TMTC2: variants seen among roughly 807,000 people sequenced by gnomAD.
The protein encoded by TMTC2 is transmembrane O-mannosyltransferase targeting cadherins 2.
A neutral mutation model predicts 82.4 loss-of-function variants in TMTC2; 43 were observed. That is an observed-to-expected ratio of 0.52 (90% confidence interval 0.41 to 0.67). TMTC2 has a LOEUF of 0.67. TMTC2 is among the 30% of genes least tolerant of loss of function. The pLI is 0.00. For missense variants in TMTC2, 919 were observed against 1,012.4 expected, an observed-to-expected ratio of 0.91 and a Z score of 1.25; for synonymous variants, 408 against 381.9, an observed-to-expected ratio of 1.07 and a Z score of -0.80.
intron 1 of TMTC2, among the ~76,000 whole-genome samples, chr12:82,819,400 A>G (rs1313185976): frequency 6.6e-6 from 1 of 151,780 alleles, no homozygotes; most frequent in Non-Finnish European, 1.5e-5. Context: ...GCATACTTAT[A>G]GATAATCTCC....
At chr12:82,987,475 A>G (rs1033245309) in intron 8 of TMTC2, among the ~76,000 whole-genome samples, 6 of 151,966 alleles carry the variant, frequency 3.9e-5, no homozygotes, top group Non-Finnish European at 5.9e-5. Context: ...AGACTAAGTA[A>G]CCAGAAAACA....
chr12:82,733,069 TA>T (rs1410068704), intron 1 of TMTC2, among the ~76,000 whole-genome samples: 9 of 152,364 alleles, frequency 5.9e-5, no homozygotes, highest in African/African-American at 1.9e-4. Context: ...AAGATCTCTT[TA>T]TTTTTTTTCA....
intron 7 of TMTC2, among the ~76,000 whole-genome samples, chr12:82,973,139 A>G (rs575610883): frequency 6.6e-6 from 1 of 152,274 alleles, no homozygotes; most frequent in African/African-American, 2.4e-5. Context: ...TAAGCTTTTT[A>G]TACCACCTGC....
At chr12:83,068,300 C>G (rs1882990384) in intron 11 of TMTC2, among the ~76,000 whole-genome samples, 1 of 151,900 alleles carries the variant, frequency 6.6e-6, no homozygotes, top group Non-Finnish European at 1.5e-5. Flanking sequence ...AATTTCCCAC[C>G]TATATATGTA....
intron 1 of TMTC2, among the ~76,000 whole-genome samples, chr12:82,744,761 C>T (rs1306843585): frequency 1.3e-5 from 2 of 152,084 alleles, no homozygotes; most frequent in East Asian, 3.9e-4. Flanking sequence ...CTAAAAGTTG[C>T]CTCTGGCAGG....
chr12:82,960,012 G>T (rs1050549935), intron 4 of TMTC2, among the ~76,000 whole-genome samples: 1 of 151,830 alleles, frequency 6.6e-6, no homozygotes, highest in East Asian at 1.9e-4. Flanking sequence ...AAAAAAGAAA[G>T]ATATGAGCAG....
At chr12:82,822,536 G>T (rs1869177387) in intron 1 of TMTC2, among the ~76,000 whole-genome samples, 1 of 152,098 alleles carries the variant, frequency 6.6e-6, no homozygotes, top group African/African-American at 2.4e-5. Flanking sequence ...GGGTGAGAGG[G>T]TTTACAAAGA....
intron 1 of TMTC2, among the ~76,000 whole-genome samples, chr12:82,698,887 C>T (rs944267651): frequency 1.3e-5 from 2 of 152,018 alleles, no homozygotes; most frequent in Admixed American, 6.6e-5. Flanking sequence ...CTGTTGGATT[C>T]GCTGGACCAA....
chr12:83,063,125 AG>A (rs1477566623), intron 11 of TMTC2, among the ~76,000 whole-genome samples: 2 of 151,740 alleles, frequency 1.3e-5, no homozygotes, highest in Non-Finnish European at 2.9e-5. Flanking sequence ...AGAAGACAAA[AG>A]GTTATGATCT....
chr12:82,793,088 C>G (rs949846543), intron 1 of TMTC2, among the ~76,000 whole-genome samples: 1 of 152,084 alleles, frequency 6.6e-6, no homozygotes, highest in African/African-American at 2.4e-5. Flanking sequence ...GTAACCACTG[C>G]AGGGTTTAAT....
intron 3 of TMTC2, among the ~76,000 whole-genome samples, chr12:82,912,524 C>A (rs1207361387): frequency 6.6e-6 from 1 of 152,170 alleles, no homozygotes; most frequent in African/African-American, 2.4e-5. Flanking sequence ...TTCACCAAGT[C>A]AGTTGACTTA....
intron 11 of TMTC2, among the ~76,000 whole-genome samples, chr12:83,066,821 AT>A (rs1882933460): frequency 6.6e-6 from 1 of 152,008 alleles, no homozygotes; most frequent in African/African-American, 2.4e-5. Flanking sequence ...ATATAAAAAA[AT>A]TGTAATCAGA....
At chr12:83,125,108 C>T (rs889953522) in intron 11 of TMTC2, among the ~76,000 whole-genome samples, 1 of 152,128 alleles carries the variant, frequency 6.6e-6, no homozygotes. Flanking sequence ...TGCTGTCCTC[C>T]CGTATTCATT....
intron 1 of TMTC2, among the ~76,000 whole-genome samples, chr12:82,698,715 A>C (rs1327949956): frequency 1.3e-5 from 2 of 152,232 alleles, no homozygotes; most frequent in African/African-American, 4.8e-5. Context: ...ATAATAACTA[A>C]TAACAAAATA....
rs1392462397 is a variant in TMTC2 at position 83,033,865 on chromosome 12, T to TGC, written c.2152+2987_2152+2988insCG. Among the ~76,000 whole-genome samples, 361 of 145,496 alleles carry TGC rather than the reference T, an allele frequency of 2.5e-3. 4 individuals carry two copies. The highest frequency in any genetic ancestry group is 9.1e-3 in the African/African-American group (343 of 37,844). Reference sequence around the variant, plus strand: ...ATGTATGTGTATATATATATGTGTATGTGTATATATATATATGTGTGTGTA... The same window carrying TGC: ...ATGTATGTGTATATATATATGTGTATGCGTGTATATATATATATGTGTGTGTA... On this transcript the variant is annotated intron_variant, in intron 9 of 11. Coordinates refer to ENST00000321196, the MANE Select transcript of TMTC2 (RefSeq NM_152588.3).
chr12:82,865,273 G>T (rs981855647), intron 2 of TMTC2, among the ~76,000 whole-genome samples: 1 of 151,982 alleles, frequency 6.6e-6, no homozygotes, highest in South Asian at 2.1e-4. Flanking sequence ...CCCATGTCAC[G>T]TGCAGAGACA....
At chr12:82,742,309 G>A (rs1016284923) in intron 1 of TMTC2, among the ~76,000 whole-genome samples, 4 of 151,026 alleles carry the variant, frequency 2.6e-5, no homozygotes, top group African/African-American at 7.3e-5. Context: ...CTTTAGCCTC[G>A]GAGCTAAGCT....
intron 8 of TMTC2, among the ~76,000 whole-genome samples, chr12:83,009,774 G>C (rs993725404): frequency 6.6e-6 from 1 of 152,164 alleles, no homozygotes; most frequent in African/African-American, 2.4e-5. Flanking sequence ...CCAGGGACCA[G>C]TTTAATGGAA....
chr12:82,905,270 A>G (rs1365662483), intron 3 of TMTC2, among the ~76,000 whole-genome samples: 2 of 152,182 alleles, frequency 1.3e-5, no homozygotes, highest in Admixed American at 6.5e-5. Flanking sequence ...GCACATAAAC[A>G]TAAAATAATT....
Sources: gnomAD v4.1 joint callset for allele counts (sites outside exome capture counted in the v4.1 genomes callset) on GRCh38, gnomAD v4.1.1 for gene constraint, MANE v1.5 for transcripts, NCBI Gene and HGNC (gene_info 2026-07-23, HGNC 2026-07-21) for gene names.